The following TSPAN17 variants were observed in gnomAD, a reference collection of about 807,000 sequenced individuals.
TSPAN17 encodes tetraspanin 17.
A neutral mutation model predicts 40.5 loss-of-function variants in TSPAN17; 33 were observed. The observed-to-expected ratio is 0.81, with a 90% confidence interval of 0.62 to 1.09. TSPAN17 has a LOEUF of 1.09. TSPAN17 is among the 50% of genes least tolerant of loss of function. The pLI is 0.00. For synonymous variants in TSPAN17, 166 were observed against 169.4 expected (o/e 0.98, Z 0.15); for missense variants, 365 against 416.8 (o/e 0.88, Z 1.08).
chr5:176,654,986 G>C lies in TSPAN17; in HGVS notation c.548G>C (p.Gly183Ala). The stretch of plus-strand genomic sequence containing the variant: ...TTGAACCCCAGCCGGGAGCGCTGCG[G>C]GGTGCCCTTCTCCTGCTGCGTCAGG... Reference protein sequence around the residue: ...TDLNPSRERCGVPFSCCVRDP... With the variant: ...TDLNPSRERCAVPFSCCVRDP... Residue 183 changes from glycine (G) to alanine (A), a missense_variant, in exon 5 of 9, where the codon GGG (glycine) becomes GCG (alanine). Transcript: ENST00000508164. This position sits in a 1 kb window ranked among gnomAD's most constrained non-coding sequence, Gnocchi z 4.3. 1 of 1,610,754 alleles carries C rather than the reference G, an allele frequency of 6.2e-7. No homozygotes were observed. Among genetic ancestry groups the C allele is most frequent in the Non-Finnish European group, 8.5e-7 (1 of 1,178,478 alleles).
chr5:176,652,812 G>C lies in TSPAN17; in HGVS notation c.355G>C (p.Asp119His), dbSNP rs367611196. The C allele has an allele frequency of 1.9e-6, 3 of 1,614,130 alleles. No individual in the cohort carries two copies. The East Asian group carries it at 6.7e-5, about 36-fold the overall frequency. ...ATGILAFVFKDWIRDQLNLFI... is the reference protein window; with the variant it reads ...ATGILAFVFKHWIRDQLNLFI... ...AGGGATCCTGGCCTTTGTCTTCAAGGACTGGATTCGAGACCAGCTCAACCT... is the reference window on the plus strand; with the variant it reads ...AGGGATCCTGGCCTTTGTCTTCAAGCACTGGATTCGAGACCAGCTCAACCT... The change falls in exon 4 of 9, where the codon GAC becomes CAC. Residue 119 changes from aspartate to histidine, a missense_variant. Physicochemically the swap from Asp to His is moderately conservative, Grantham distance 81 (BLOSUM62 -1). Transcript: ENST00000508164.
Position 176,654,729 on chromosome 5 carries a change from TG to T in TSPAN17, c.457-164del. On this transcript the variant is annotated intron_variant, in intron 4 of 8. Coordinates refer to ENST00000508164, the MANE Select transcript of TSPAN17 (RefSeq NM_130465.5). This position sits in a 1 kb window ranked among gnomAD's most constrained non-coding sequence, Gnocchi z 4.3. The stretch of plus-strand genomic sequence containing the variant: ...TTGCACCCCTCTGCCTCCACCAGCC[TG>T]GAGGTTGGGCCCAGGCCTGTGGGGG... 1 of 794,022 alleles carries T rather than the reference TG, an allele frequency of 1.3e-6. No individual in the cohort carries two copies. The highest frequency in any genetic ancestry group is 2.0e-6 in the Non-Finnish European group (1 of 510,156). 49.2% of individuals were successfully genotyped at this position (794,022 alleles called of 1,614,324 possible).
rs968610231 is a variant in TSPAN17 at position 176,652,002 on chromosome 5, A to T, written c.285+102A>T. 4 of 1,463,722 alleles carry T rather than the reference A, an allele frequency of 2.7e-6. No homozygotes were observed. The African/African-American group carries it at 5.6e-5, about 21-fold the overall frequency. The allele number at this position is 1,463,722 out of a possible 1,614,324, so 90.7% of individuals were successfully genotyped here. A position where few individuals can be genotyped will look rare whatever the true frequency, so the allele number is the denominator to read the frequency against. On this transcript the variant is annotated intron_variant, in intron 3 of 8. Coordinates refer to ENST00000508164, the MANE Select transcript of TSPAN17 (RefSeq NM_130465.5). ...TGATGGGTAGCTTTATTATTATGCT[A>T]TAATCGTCATCGTTAGATTCATGTT...
chr5:176,651,923 C>T lies in TSPAN17; in HGVS notation c.285+23C>T. On this transcript the variant is annotated intron_variant, in intron 3 of 8. Coordinates refer to ENST00000508164, the MANE Select transcript of TSPAN17 (RefSeq NM_130465.5). The surrounding 1 kb of genome is among the most constrained non-coding windows in gnomAD (Gnocchi z 4.5). The stretch of plus-strand genomic sequence containing the variant: ...TTTGTGAGTGCTGCCCTCAAGATCC[C>T]CTGGGAACCCCCATCTCCTCCCATC... 6.2e-7 allele frequency: 1 copy of T among 1,612,728 alleles called. No homozygotes were observed. The highest frequency in any genetic ancestry group is 8.5e-7 in the Non-Finnish European group (1 of 1,179,592).
intron 1 of TSPAN17, 52 bp downstream of exon 1, chr5:176,647,754 A>C: frequency 6.7e-7 from 1 of 1,499,682 alleles, no homozygotes; most frequent in Non-Finnish European, 9.0e-7. Context: ...TGGGAGAGGG[A>C]GATTCAGTCT....
Position 176,657,956 on chromosome 5 carries a change from A to T in TSPAN17, c.*258A>T. 4.2e-6 allele frequency: 2 copies of T among 475,646 alleles called. No individual in the cohort carries two copies. The highest frequency in any genetic ancestry group is 6.7e-6 in the Non-Finnish European group (2 of 298,488). 29.5% of individuals were successfully genotyped at this position (475,646 alleles called of 1,614,324 possible). A position where few individuals can be genotyped will look rare whatever the true frequency, so the allele number is the denominator to read the frequency against. On this transcript the variant is annotated 3_prime_UTR_variant, in exon 9 of 9. Transcript: ENST00000508164. The stretch of plus-strand genomic sequence containing the variant: ...AAACACGGGGACCTGAAGGATGGAG[A>T]GGCTGGACCCCGCTTTGAAGAGGGT...
At chr5:176,655,984 C>T in intron 5 of TSPAN17, 94 bp from the exon 6 acceptor site, 2 of 1,141,792 alleles carry the variant, frequency 1.8e-6, no homozygotes, top group Non-Finnish European at 2.7e-6. Context: ...CCATCTGCGT[C>T]CTCTGAGAAG....
At chr5:176,649,239 G>T (rs1760867802) in intron 1 of TSPAN17, among the ~76,000 whole-genome samples, 2 of 152,010 alleles carry the variant, frequency 1.3e-5, no homozygotes, top group Non-Finnish European at 2.9e-5. Flanking sequence ...GAGGGAGGTT[G>T]CTGGGAAAGT....
Position 176,647,613 on chromosome 5 carries a change from A to G in TSPAN17, c.-3A>G. 1 of 1,565,268 alleles carries G rather than the reference A, an allele frequency of 6.4e-7. No homozygotes were observed. Among genetic ancestry groups the G allele is most frequent in the Non-Finnish European group, 8.6e-7 (1 of 1,158,434 alleles). ...TTTCCGGGCCGGCGGGTGGCCGCTC[A>G]CCATGCCCGGCAAGCACCAGCATTT... On this transcript the variant is annotated 5_prime_UTR_variant, in exon 1 of 9. Coordinates refer to ENST00000508164, the MANE Select transcript of TSPAN17 (RefSeq NM_130465.5).
chr5:176,656,115 G>C lies in TSPAN17; in HGVS notation c.620G>C (p.Arg207Pro). Reference sequence around the variant, plus strand: ...AACACCCAGTGTGGCTACGACGTCCGGCTCAAACTGGTGAGAGGGGTAGGA... The same window carrying C: ...AACACCCAGTGTGGCTACGACGTCCCGCTCAAACTGGTGAGAGGGGTAGGA... ...VLNTQCGYDV[R>P]LKLELEQQGF... The change falls in exon 6 of 9, where the codon CGG (arginine) becomes CCG (proline). Residue 207 changes from arginine (R) to proline (P), a missense_variant. Coordinates refer to ENST00000508164, the MANE Select transcript of TSPAN17 (RefSeq NM_130465.5). 8 of 1,614,130 alleles carry C rather than the reference G, an allele frequency of 5.0e-6. No homozygotes were observed. The highest frequency in any genetic ancestry group is 6.8e-6 in the Non-Finnish European group (8 of 1,179,998).
At chr5:176,653,113 G>A (rs1013923387) in intron 4 of TSPAN17, 200 bp downstream of exon 4, 15 of 534,674 alleles carry the variant, frequency 2.8e-5, no homozygotes, top group African/African-American at 2.6e-4. Context: ...TAGTGCCATA[G>A]GGCCACGGCC....
rs1334474778 is a variant in TSPAN17, at chr5:176,654,257, G to A, written c.457-638G>A. The A allele has an allele frequency of 6.5e-6, 1 of 153,030 alleles. No homozygotes were observed. Among genetic ancestry groups the A allele is most frequent in the African/African-American group, 2.4e-5 (1 of 41,444 alleles). 9.5% of individuals were successfully genotyped at this position (153,030 alleles called of 1,614,324 possible). On this transcript the variant is annotated intron_variant, in intron 4 of 8. Transcript: ENST00000508164. The surrounding 1 kb of genome is among the most constrained non-coding windows in gnomAD (Gnocchi z 4.3). ...GAGCTTGAGCTCCCCCAGCCCTGTG[G>A]GCTGCTCTCCAGCCCCTGCGCTGCT...
chr5:176,647,598 G>C lies in TSPAN17; in HGVS notation c.-18G>C, dbSNP rs562501950. ...GGCTCCCGGCTCCGGTTTCCGGGCCGGCGGGTGGCCGCTCACCATGCCCGG... is the reference window on the plus strand; with the variant it reads ...GGCTCCCGGCTCCGGTTTCCGGGCCCGCGGGTGGCCGCTCACCATGCCCGG... On this transcript the variant is annotated 5_prime_UTR_variant, in exon 1 of 9. Transcript: ENST00000508164. The C allele has an allele frequency of 1.9e-6, 3 of 1,554,358 alleles. No individual in the cohort carries two copies. Among genetic ancestry groups the C allele is most frequent in the East Asian group, 2.5e-5 (1 of 40,736 alleles).
In TSPAN17 at chr5:176,654,680, A is replaced by G. The variant is rs1761084751; in HGVS notation, c.457-215A>G. The G allele has an allele frequency of 1.8e-6, 1 of 558,002 alleles. No individual in the cohort carries two copies. Among genetic ancestry groups the G allele is most frequent in the African/African-American group, 1.9e-5 (1 of 52,576 alleles). 34.6% of individuals were successfully genotyped at this position (558,002 alleles called of 1,614,324 possible). A position where few individuals can be genotyped will look rare whatever the true frequency, so the allele number is the denominator to read the frequency against. On this transcript the variant is annotated intron_variant, in intron 4 of 8. Coordinates refer to ENST00000508164, the MANE Select transcript of TSPAN17 (RefSeq NM_130465.5). This position sits in a 1 kb window ranked among gnomAD's most constrained non-coding sequence, Gnocchi z 4.3. The stretch of plus-strand genomic sequence containing the variant: ...TTTCTAGCCTCTCTTGGGTCGGGGA[A>G]GGGGGAGCTCAGTGTCCCCTCCCTT...
chr5:176,650,508 T>C lies in TSPAN17; in HGVS notation c.88-1108T>C, dbSNP rs886605803. ...TGGGGTTGAGTTAACTGAGGTGGGG[T>C]TCAGGAAGGAGAAAGTGGCACTCAG... On this transcript the variant is annotated intron_variant, in intron 1 of 8. Transcript: ENST00000508164. This position sits in a 1 kb window ranked among gnomAD's most constrained non-coding sequence, Gnocchi z 4.0. Among the ~76,000 whole-genome samples, 3 of 151,468 alleles carry C rather than the reference T, an allele frequency of 2.0e-5. No individual in the cohort carries two copies. Among genetic ancestry groups the C allele is most frequent in the Non-Finnish European group, 4.4e-5 (3 of 67,868 alleles).
Position 176,647,586 on chromosome 5 carries a change from G to C in TSPAN17, c.-30G>C. On this transcript the variant is annotated 5_prime_UTR_variant, in exon 1 of 9. Coordinates refer to ENST00000508164, the MANE Select transcript of TSPAN17 (RefSeq NM_130465.5). ...GGCGCTGGGCCTGGCTCCCGGCTCC[G>C]GTTTCCGGGCCGGCGGGTGGCCGCT... 2 of 1,556,582 alleles carry C rather than the reference G, an allele frequency of 1.3e-6. No individual in the cohort carries two copies. The highest frequency in any genetic ancestry group is 1.7e-6 in the Non-Finnish European group (2 of 1,153,744).
intron 3 of TSPAN17, 125 bp from the exon 4 acceptor site, chr5:176,652,618 G>A: frequency 1.2e-6 from 1 of 827,688 alleles, no homozygotes; most frequent in Non-Finnish European, 2.0e-6. Context: ...GAAGGTGGGG[G>A]CTCTGGGCGC....
At position 176,654,770 on chromosome 5, in the gene TSPAN17, C is replaced by A. The variant is rs1761086935; in HGVS notation, c.457-125C>A. 1 of 1,290,564 alleles carries A rather than the reference C, an allele frequency of 7.7e-7. No homozygotes were observed. Among genetic ancestry groups the A allele is most frequent in the African/African-American group, 1.5e-5 (1 of 67,876 alleles). 79.9% of individuals were successfully genotyped at this position (1,290,564 alleles called of 1,614,324 possible). A position where few individuals can be genotyped will look rare whatever the true frequency, so the allele number is the denominator to read the frequency against. The stretch of plus-strand genomic sequence containing the variant: ...GCCTGTGGGGGTGGGGAGGTGGCCA[C>A]CCACTTGGCTGTCCCAGCCCTGTCC... On this transcript the variant is annotated intron_variant, in intron 4 of 8. Transcript: ENST00000508164. The surrounding 1 kb of genome is among the most constrained non-coding windows in gnomAD (Gnocchi z 4.3).
chr5:176,649,099 G>T (rs570664761), intron 1 of TSPAN17, among the ~76,000 whole-genome samples: 125 of 152,268 alleles, frequency 8.2e-4, no homozygotes, highest in African/African-American at 3.0e-3. Flanking sequence ...CCAGTGATGG[G>T]TCTGATCTGG....
Sources: allele counts gnomAD v4.1 joint callset (sites outside exome capture counted in the v4.1 genomes callset), GRCh38; gene constraint gnomAD v4.1.1; non-coding constraint Gnocchi (gnomAD v3.1); transcripts MANE v1.5; gene names NCBI Gene and HGNC (gene_info 2026-07-23, HGNC 2026-07-21).